EHD2: variants seen among roughly 807,000 people sequenced by gnomAD.
The protein encoded by EHD2 is EH domain-containing protein 2.
Under a neutral mutation model 41.0 loss-of-function variants are expected in EHD2, and 27 were observed. The observed-to-expected ratio is 0.66, with a 90% CI of 0.49 to 0.91. EHD2 has a LOEUF of 0.91. EHD2 is among the 40% of genes least tolerant of loss of function. The probability of loss-of-function intolerance (pLI) is 0.00; values close to 1 mark genes in which losing one functional copy is unlikely to be tolerated. For missense variants in EHD2, 673 were observed against 773.9 expected (o/e 0.87, Z 1.55); for synonymous variants, 342 against 341.0 (o/e 1.00, Z -0.03).
At chr19:47,729,399 T>C (rs1378074825) in intron 4 of EHD2, among the ~76,000 whole-genome samples, 1 of 152,000 alleles carries the variant, frequency 6.6e-6, no homozygotes, top group South Asian at 2.1e-4. Flanking sequence ...AGGAGATAAT[T>C]AGACTCAAGC....
At chr19:47,721,032 T>G (rs534552415) in intron 3 of EHD2, among the ~76,000 whole-genome samples, 2 of 152,144 alleles carry the variant, frequency 1.3e-5, no homozygotes, top group African/African-American at 4.8e-5. Flanking sequence ...ATGCCGTGTG[T>G]GCATCTCACA....
chr19:47,741,758 T>C lies in EHD2; in HGVS notation c.*326T>C, dbSNP rs1275317160. 1.1e-5 allele frequency: 6 copies of C among 562,520 alleles called. No individual in the cohort carries two copies. Among genetic ancestry groups the C allele is most frequent in the African/African-American group, 1.9e-5 (1 of 53,140 alleles). 34.8% of individuals were successfully genotyped at this position (562,520 alleles called of 1,614,324 possible). Reference sequence around the variant, plus strand: ...ACCTACTATGTGCCCAGCCCTGTTCTAGGCACTGGGCATTACCATAGAGAA... The same window carrying C: ...ACCTACTATGTGCCCAGCCCTGTTCCAGGCACTGGGCATTACCATAGAGAA... On this transcript the variant is annotated 3_prime_UTR_variant, in exon 6 of 6. Transcript: ENST00000263277. The surrounding 1 kb of genome is among the most constrained non-coding windows in gnomAD (Gnocchi z 4.5).
chr19:47,728,316 C>T (rs6509337), intron 4 of EHD2, among the ~76,000 whole-genome samples: 69,072 of 151,248 alleles, frequency 0.46, 17,085 homozygotes, highest in African/African-American at 0.66. Context: ...CCTCTTCTGC[C>T]TTCTTCCCCC....
At position 47,741,783 on chromosome 19, in the gene EHD2, A is replaced by G; in HGVS notation, c.*351A>G. On this transcript the variant is annotated 3_prime_UTR_variant, in exon 6 of 6. Transcript: ENST00000263277. This position sits in a 1 kb window ranked among gnomAD's most constrained non-coding sequence, Gnocchi z 4.5. ...TAGGCACTGGGCATTACCATAGAGAACAAAATAGACAAATACATCTGCCCT... is the reference window on the plus strand; with the variant it reads ...TAGGCACTGGGCATTACCATAGAGAGCAAAATAGACAAATACATCTGCCCT... 1.9e-6 allele frequency: 1 copy of G among 524,078 alleles called. No homozygotes were observed. Among genetic ancestry groups the G allele is most frequent in the African/African-American group, 1.9e-5 (1 of 52,646 alleles). 32.5% of individuals were successfully genotyped at this position (524,078 alleles called of 1,614,324 possible).
At chr19:47,740,168 C>T (rs996720501) in intron 5 of EHD2, among the ~76,000 whole-genome samples, 1 of 152,138 alleles carries the variant, frequency 6.6e-6, no homozygotes, top group African/African-American at 2.4e-5. Flanking sequence ...GAGTTCGAGA[C>T]CAGCCTGGGC....
chr19:47,723,161 C>A (rs574842294), intron 3 of EHD2, among the ~76,000 whole-genome samples: 1 of 152,144 alleles, frequency 6.6e-6, no homozygotes, highest in Non-Finnish European at 1.5e-5. Flanking sequence ...CTGGGCTGAC[C>A]ACTCAGGGGC....
At chr19:47,717,087 G>A (rs550645772) in intron 2 of EHD2, 71 bp downstream of exon 2, 24 of 1,581,262 alleles carry the variant, frequency 1.5e-5, no homozygotes, top group Middle Eastern at 1.7e-4. Flanking sequence ...CGCTCTTTTC[G>A]CCCAGGCTGG....
rs1243875918 is a variant in EHD2, at chr19:47,741,605, A to G, written c.*173A>G. 2 of 735,688 alleles carry G rather than the reference A, an allele frequency of 2.7e-6. No individual in the cohort carries two copies. The highest frequency in any genetic ancestry group is 1.8e-5 in the African/African-American group (1 of 56,338). The allele number at this position is 735,688 out of a possible 1,614,324, so 45.6% of individuals were successfully genotyped here. On this transcript the variant is annotated 3_prime_UTR_variant, in exon 6 of 6. Coordinates refer to ENST00000263277, the MANE Select transcript of EHD2 (RefSeq NM_014601.4). The surrounding 1 kb of genome is among the most constrained non-coding windows in gnomAD (Gnocchi z 4.5). ...CCGGTGGAAGCATTTAGAGGGGACC[A>G]CGGGAGGGACAAGGCTTCTCTGTCC...
At position 47,737,876 on chromosome 19, in the gene EHD2, C is replaced by CTT. The variant is rs1226699986; in HGVS notation, c.1080+1364_1080+1365dup. ...GGCACATGCCACCATGCCTGGCTAG[C>CTT]TTTTTTTTTTTTTTTTTTTTTTGAG... is the stretch of plus-strand genomic sequence containing the variant. On this transcript the variant is annotated intron_variant, in intron 5 of 5. Coordinates refer to ENST00000263277, the MANE Select transcript of EHD2 (RefSeq NM_014601.4). 9.6e-3 allele frequency among the ~76,000 whole-genome samples: 959 copies of CTT among 99,974 alleles called. 25 individuals carry two copies. The highest frequency in any genetic ancestry group is 0.025 in the African/African-American group (620 of 24,408). The allele number at this position is 99,974 out of a possible 152,430, so 65.6% of individuals were successfully genotyped here. A position where few individuals can be genotyped will look rare whatever the true frequency, so the allele number is the denominator to read the frequency against.
chr19:47,724,868 C>T (rs1041087221), intron 3 of EHD2, among the ~76,000 whole-genome samples: 5 of 151,104 alleles, frequency 3.3e-5, no homozygotes, highest in Admixed American at 6.6e-5. Context: ...CCCAGCTACT[C>T]GGGAGGCTGA....
chr19:47,731,271 A>ATATATATAT (rs1973804912), intron 4 of EHD2: 1 of 25,140 alleles, frequency 4.0e-5, no homozygotes, highest in African/African-American at 1.3e-4. Context: ...ATTCTTTAAA[A>ATATATATAT]AAAAAAAAAT....
chr19:47,725,785 G>T, intron 3 of EHD2, 27 bp from the exon 4 acceptor site: 1 of 1,553,914 alleles, frequency 6.4e-7, no homozygotes, highest in Non-Finnish European at 8.7e-7. Context: ...TGCCCCTTGC[G>T]CCCCTGTCTC....
chr19:47,733,479 C>G (rs1966890216), intron 4 of EHD2, among the ~76,000 whole-genome samples: 2 of 151,798 alleles, frequency 1.3e-5, no homozygotes, highest in Admixed American at 1.3e-4. Flanking sequence ...CGAGACCATC[C>G]TGGCCAACAT....
chr19:47,740,826 AG>A, intron 5 of EHD2, 54 bp from the exon 6 acceptor site: 1 of 1,574,420 alleles, frequency 6.4e-7, no homozygotes, highest in Non-Finnish European at 8.6e-7. Flanking sequence ...TTGCAGCCTG[AG>A]GGCCTCAGGG....
chr19:47,739,779 A>G (rs11671132), intron 5 of EHD2, among the ~76,000 whole-genome samples: 23,391 of 150,448 alleles, frequency 0.16, 2,259 homozygotes, highest in Admixed American at 0.21. Context: ...TTAATGTTGT[A>G]CGTGCTGGCT....
chr19:47,734,764 T>C lies in EHD2; in HGVS notation c.916-1605T>C, dbSNP rs538594628. Among the ~76,000 whole-genome samples the C allele has an allele frequency of 1.7e-4, 26 of 150,002 alleles. No homozygotes were observed. The Admixed American group carries it at 1.7e-3, about 10-fold the overall frequency. ...CCTTTCAAAAAGAAAAAAAAAGTGA[T>C]TTCTAGAGCCGGACGGGGTGGCTCC... On this transcript the variant is annotated intron_variant, in intron 4 of 5. Coordinates refer to ENST00000263277, the MANE Select transcript of EHD2 (RefSeq NM_014601.4).
chr19:47,721,164 GGTGTGT>G lies in EHD2; in HGVS notation c.502+2585_502+2590del, dbSNP rs60140753. 9.3e-4 allele frequency among the ~76,000 whole-genome samples: 53 copies of G among 57,152 alleles called. 1 individual carries two copies. Among genetic ancestry groups the G allele is most frequent in the Middle Eastern group, 0.032 (2 of 62 alleles). 37.5% of individuals were successfully genotyped at this position (57,152 alleles called of 152,430 possible). On this transcript the variant is annotated intron_variant, in intron 3 of 5. Transcript: ENST00000263277. ...GTTTGTGTCTGGATGTGCTACTGGG[GGTGTGT>G]GTGTGTGTGTGTGTGTGTGTGTGTG... is the stretch of plus-strand genomic sequence containing the variant.
chr19:47,722,030 A>ACG (rs2123640887), intron 3 of EHD2, among the ~76,000 whole-genome samples: 1 of 149,206 alleles, frequency 6.7e-6, no homozygotes, highest in Non-Finnish European at 1.5e-5. Context: ...ACACACACAC[A>ACG]CACACACACA....
chr19:47,736,422 G>A lies in EHD2; in HGVS notation c.969G>A (p.Gly323=), dbSNP rs151244683. 1.1e-3 allele frequency: 1,855 copies of A among 1,613,422 alleles called. 4 individuals carry two copies. The highest frequency in any genetic ancestry group is 1.5e-3 in the Non-Finnish European group (1,716 of 1,179,778). The change falls in exon 5 of 6, where the codon GGG becomes GGA. Residue 323 remains glycine, a synonymous_variant. Transcript: ENST00000263277. ...YLKKEMPSVF[G]KENKKKQLIL... is the part of the protein sequence containing the mutation. The stretch of plus-strand genomic sequence containing the variant: ...AGAAGGAGATGCCCTCTGTGTTTGG[G>A]AAGGAGAACAAGAAGAAGCAGCTGA...
Sources: allele counts gnomAD v4.1 joint callset (sites outside exome capture counted in the v4.1 genomes callset), GRCh38; gene constraint gnomAD v4.1.1; non-coding constraint Gnocchi (gnomAD v3.1); transcripts MANE v1.5; gene names NCBI Gene and HGNC (gene_info 2026-07-23, HGNC 2026-07-21).